The following KHSRP variants were observed in gnomAD, a reference collection of about 807,000 sequenced individuals.
KHSRP encodes the protein KH-type splicing regulatory protein, also known as far upstream element-binding protein 2.
In KHSRP, 13 loss-of-function variants were observed where a neutral mutation model predicts 94.9. The ratio of observed to expected loss-of-function variants is 0.14; its 90% confidence interval spans 0.09 to 0.22. The LOEUF (loss-of-function observed/expected upper bound fraction) is 0.22, where lower values mean the gene tolerates loss of function less well. Ranked by LOEUF, KHSRP falls within the 10% of genes least tolerant of loss-of-function variation. The pLI is 1.00. For synonymous variants in KHSRP, 495 were observed against 401.4 expected, an observed-to-expected ratio of 1.23 and a Z score of -2.79; for missense variants, 710 against 1,010.0, an observed-to-expected ratio of 0.70 and a Z score of 4.03.
rs1195479099 is a variant in KHSRP, at chr19:6,414,735, A to C, written c.*289T>G. ...AAAAACCAAAAAAGTGATGCAGAGA[A>C]GGGGAAAAAATAGACGTTTTCTTCC... On this transcript the variant is annotated 3_prime_UTR_variant, in exon 19 of 19. Coordinates refer to ENST00000600480, the MANE Select transcript of KHSRP (RefSeq NM_001366299.1). 4.7e-6 allele frequency: 5 copies of C among 1,059,164 alleles called. No individual in the cohort carries two copies. Among genetic ancestry groups the C allele is most frequent in the Non-Finnish European group, 5.7e-6 (5 of 878,224 alleles). The allele number at this position is 1,059,164 out of a possible 1,614,324, so 65.6% of individuals were successfully genotyped here.
intron 1 of KHSRP, 31 bp downstream of exon 1, chr19:6,424,422 A>C (rs564732425): frequency 1.1e-4 from 105 of 933,438 alleles, no homozygotes; most frequent in Admixed American, 4.4e-4. Context: ...CGCGCGCGCG[A>C]GCGCGCCCCT....
rs370442758 is a variant in KHSRP, at chr19:6,417,720, G to A, written c.1081+19C>T. 1.2e-6 allele frequency: 2 copies of A among 1,604,700 alleles called. No individual in the cohort carries two copies. Among genetic ancestry groups the A allele is most frequent in the African/African-American group, 1.3e-5 (1 of 74,746 alleles). On this transcript the variant is annotated intron_variant, in intron 11 of 18. Transcript: ENST00000600480. Reference sequence around the variant, plus strand: ...GGTGGGGGTGCACTGGCCAGGGGCAGGGTGGGCCAGGCCCTGACCTTGCTT... The same window carrying A: ...GGTGGGGGTGCACTGGCCAGGGGCAAGGTGGGCCAGGCCCTGACCTTGCTT...
chr19:6,417,378 C>G (rs946383792), intron 11 of KHSRP, among the ~76,000 whole-genome samples: 1 of 152,260 alleles, frequency 6.6e-6, no homozygotes, highest in Non-Finnish European at 1.5e-5. Flanking sequence ...AGGGGCCCTT[C>G]TCCCCACGGC....
At chr19:6,419,008 A>AG in intron 7 of KHSRP, 132 bp from the exon 8 acceptor site, 1 of 1,157,410 alleles carries the variant, frequency 8.6e-7, no homozygotes, top group Non-Finnish European at 1.2e-6. Flanking sequence ...GGCCAGTCAC[A>AG]GGGGCTGTTC....
Position 6,418,437 on chromosome 19 carries a change from C to T in KHSRP, c.879+46G>A, listed in dbSNP as rs1328200533. 4 of 1,425,108 alleles carry T rather than the reference C, an allele frequency of 2.8e-6. No individual in the cohort carries two copies. Among genetic ancestry groups the T allele is most frequent in the Non-Finnish European group, 3.9e-6 (4 of 1,014,286 alleles). The allele number at this position is 1,425,108 out of a possible 1,614,324, so 88.3% of individuals were successfully genotyped here. On this transcript the variant is annotated intron_variant, in intron 9 of 18. Coordinates refer to ENST00000600480, the MANE Select transcript of KHSRP (RefSeq NM_001366299.1). The surrounding 1 kb of genome is among the most constrained non-coding windows in gnomAD (Gnocchi z 4.3). ...CGAGACCGCTGGCCCTGCCCACCTG[C>T]CCGTGCCTCTCCAGAACCCCCTCCA...
At chr19:6,417,711 C>A (rs1304158825) in intron 11 of KHSRP, 28 bp downstream of exon 11, 7 of 1,594,970 alleles carry the variant, frequency 4.4e-6, no homozygotes, top group East Asian at 2.2e-5. Context: ...GGTGCACTGG[C>A]CAGGGGCAGG....
In KHSRP at chr19:6,416,586, C is replaced by G; in HGVS notation, c.1392G>C (p.Leu464=). 1 of 1,613,830 alleles carries G rather than the reference C, an allele frequency of 6.2e-7. No homozygotes were observed. Among genetic ancestry groups the G allele is most frequent in the East Asian group, 2.2e-5 (1 of 44,880 alleles). ...TGAFVEISRQ[L]PPNGDPNFKL... is the part of the protein sequence containing the mutation. ...TGAAGTTGGGGTCCCCGTTGGGTGGCAGCTGCCGGGAGATCTCTACGAAGG... is the reference window on the plus strand; with the variant it reads ...TGAAGTTGGGGTCCCCGTTGGGTGGGAGCTGCCGGGAGATCTCTACGAAGG... The change falls in exon 14 of 19, where the codon CTG becomes CTC. Residue 464 remains leucine, a synonymous_variant. Coordinates refer to ENST00000600480, the MANE Select transcript of KHSRP (RefSeq NM_001366299.1).
rs1307672955 is a variant in KHSRP at position 6,418,150 on chromosome 19, T to C, written c.880-71A>G. On this transcript the variant is annotated intron_variant, in intron 9 of 18. Transcript: ENST00000600480. This position sits in a 1 kb window ranked among gnomAD's most constrained non-coding sequence, Gnocchi z 4.3. ...CCACACCCCCCCACCTCCTCGGGGGTGCGGGCCTCAACTAAGGACCCACGA... is the reference window on the plus strand; with the variant it reads ...CCACACCCCCCCACCTCCTCGGGGGCGCGGGCCTCAACTAAGGACCCACGA... The C allele has an allele frequency of 4.3e-6, 6 of 1,411,444 alleles. No individual in the cohort carries two copies. The highest frequency in any genetic ancestry group is 6.0e-6 in the Non-Finnish European group (6 of 1,005,120). The allele number at this position is 1,411,444 out of a possible 1,614,324, so 87.4% of individuals were successfully genotyped here.
rs1300712180 is a variant in KHSRP, at chr19:6,415,314, A to T, written c.1967-13T>A. ...GTGGCCACTTGCGCTGTGGGTGGAC[A>T]AAGGCAGGTGAGAGGCTGTGGGTGA... On this transcript the variant is annotated splice_polypyrimidine_tract_variant and intron_variant, in intron 18 of 18. Transcript: ENST00000600480. 6.2e-7 allele frequency: 1 copy of T among 1,613,380 alleles called. No individual in the cohort carries two copies. Among genetic ancestry groups the T allele is most frequent in the African/African-American group, 1.3e-5 (1 of 74,928 alleles).
At chr19:6,416,695 G>A (rs751749044) in intron 13 of KHSRP, 43 bp downstream of exon 13, 2 of 1,612,380 alleles carry the variant, frequency 1.2e-6, no homozygotes, top group Non-Finnish European at 1.7e-6. Flanking sequence ...TGATGGCCCA[G>A]GGAAGAGGGG....
chr19:6,414,375 C>CGGAGGCGCTA lies in KHSRP; in HGVS notation c.*639_*648dup. The CGGAGGCGCTA allele has an allele frequency of 3.0e-6, 4 of 1,341,360 alleles. No homozygotes were observed. Among genetic ancestry groups the CGGAGGCGCTA allele is most frequent in the Non-Finnish European group, 3.8e-6 (4 of 1,044,290 alleles). 83.1% of individuals were successfully genotyped at this position (1,341,360 alleles called of 1,614,324 possible). On this transcript the variant is annotated 3_prime_UTR_variant, in exon 19 of 19. Transcript: ENST00000600480. ...AAGAGAGGAGAGGGGCCGCGGAGGGCGGAGGCGCTAGGGTCGTAGGGGAGC... is the reference window on the plus strand; with the variant it reads ...AAGAGAGGAGAGGGGCCGCGGAGGGCGGAGGCGCTAGGAGGCGCTAGGGTCGTAGGGGAGC...
intron 2 of KHSRP, 110 bp downstream of exon 2, chr19:6,422,230 A>C (rs1199906553): frequency 2.9e-6 from 2 of 697,458 alleles, no homozygotes; most frequent in African/African-American, 3.6e-5. Flanking sequence ...TGAGGTTTTA[A>C]AAGACCAAAC....
intron 2 of KHSRP, 75 bp from the exon 3 acceptor site, chr19:6,421,763 T>G: frequency 6.4e-7 from 1 of 1,551,658 alleles, no homozygotes. Context: ...TGGTGCCACA[T>G]GTCCAAGGTA....
Position 6,418,042 on chromosome 19 carries a change from C to A in KHSRP, c.917G>T (p.Arg306Leu). ...CEMVMDILRE[R>L]DQGGFGDRNE... ...CCGGTCCCCAAAGCCGCCTTGGTCACGTTCCCGGAGGATGTCCATCACCAT... is the reference window on the plus strand; with the variant it reads ...CCGGTCCCCAAAGCCGCCTTGGTCAAGTTCCCGGAGGATGTCCATCACCAT... Residue 306 changes from arginine to leucine, a missense_variant, in exon 10 of 19, where the codon CGT becomes CTT. Arg to Leu is a moderately radical substitution (Grantham distance 102, BLOSUM62 -2). This residue lies in a region of KHSRP where 288 missense variants were observed against 501.1 expected (regional missense o/e 0.57). Coordinates refer to ENST00000600480, the MANE Select transcript of KHSRP (RefSeq NM_001366299.1). The surrounding 1 kb of genome is among the most constrained non-coding windows in gnomAD (Gnocchi z 4.3). 1 of 1,614,010 alleles carries A rather than the reference C, an allele frequency of 6.2e-7. No homozygotes were observed. The highest frequency in any genetic ancestry group is 8.5e-7 in the Non-Finnish European group (1 of 1,179,872).
rs1327973997 is a variant in KHSRP, at chr19:6,413,150, G to GC, written c.*1873_*1874insG. On this transcript the variant is annotated 3_prime_UTR_variant, in exon 19 of 19. Transcript: ENST00000600480. ...TATTTAACAAAAAAAAAAAAGGGGG[G>GC]GGGGCACGGTTAGGAAAGCACATTG... Among the ~76,000 whole-genome samples the GC allele has an allele frequency of 6.9e-6, 1 of 145,098 alleles. No homozygotes were observed. The highest frequency in any genetic ancestry group is 1.5e-5 in the Non-Finnish European group (1 of 66,036).
chr19:6,421,188 T>G (rs1264957748), intron 4 of KHSRP, 90 bp downstream of exon 4: 6 of 1,195,770 alleles, frequency 5.0e-6, no homozygotes, highest in Non-Finnish European at 7.2e-6. Context: ...CTGAGAGATG[T>G]GCCCCCAGTC....
intron 16 of KHSRP, 25 bp from the exon 17 acceptor site, chr19:6,415,759 CG>C (rs766993994): frequency 4.5e-6 from 7 of 1,551,450 alleles, no homozygotes; most frequent in Non-Finnish European, 6.1e-6. Flanking sequence ...TCGGGTGAGA[CG>C]GGGGGACAGA....
At chr19:6,416,915 C>A in intron 12 of KHSRP, 33 bp from the exon 13 acceptor site, 2 of 1,612,774 alleles carry the variant, frequency 1.2e-6, no homozygotes, top group Non-Finnish European at 1.7e-6. Context: ...GGATGATGAA[C>A]CCTGGAAGCC....
intron 11 of KHSRP, among the ~76,000 whole-genome samples, chr19:6,417,499 T>C (rs2145116862): frequency 6.6e-6 from 1 of 152,234 alleles, no homozygotes; most frequent in South Asian, 2.1e-4. Flanking sequence ...GGCTCCATCG[T>C]AGGGGGAGGA....
Sources: gnomAD v4.1 joint callset for allele counts (sites outside exome capture counted in the v4.1 genomes callset) on GRCh38, gnomAD v4.1.1 for gene constraint, gnomAD v4.1.1 regional missense constraint, Gnocchi (gnomAD v3.1) non-coding constraint, MANE v1.5 for transcripts, NCBI Gene and HGNC (gene_info 2026-07-23, HGNC 2026-07-21) for gene names.